GALNTL6: variants seen among roughly 807,000 people sequenced by gnomAD.
GALNTL6 encodes the protein polypeptide N-acetylgalactosaminyltransferase like 6, also known as polypeptide N-acetylgalactosaminyltransferase-like 6.
Under a neutral mutation model 73.7 loss-of-function variants are expected in GALNTL6, and 46 were observed. The ratio of observed to expected loss-of-function variants is 0.62; its 90% CI spans 0.49 to 0.80. The LOEUF is 0.80. Ranked by LOEUF, GALNTL6 falls within the 30% of genes least tolerant of loss-of-function variation. The pLI, the probability that GALNTL6 is intolerant of heterozygous loss-of-function variation, is 0.00. For missense variants in GALNTL6, 604 were observed against 755.0 expected, an observed-to-expected ratio of 0.80 and a Z score of 2.34; for synonymous variants, 259 against 263.7, an observed-to-expected ratio of 0.98 and a Z score of 0.17.
chr4:172,329,429 T>TA (rs1264534602), intron 4 of GALNTL6, among the ~76,000 whole-genome samples: 2 of 152,196 alleles, frequency 1.3e-5, no homozygotes, highest in Non-Finnish European at 1.5e-5. Context: ...CTCTAGTCCC[T>TA]AGTCACCTTA....
At chr4:172,825,620 T>C (rs7659795) in intron 7 of GALNTL6, among the ~76,000 whole-genome samples, 150,774 of 152,208 alleles carry the variant, frequency 0.99, 74,689 homozygotes, top group Middle Eastern at 1. Context: ...CAAGGCCTTC[T>C]AGAAGTGGTA....
chr4:172,737,587 C>T (rs1249479678), intron 5 of GALNTL6, among the ~76,000 whole-genome samples: 2 of 152,136 alleles, frequency 1.3e-5, no homozygotes, highest in African/African-American at 2.4e-5. Context: ...GATCAGAAAA[C>T]TCACAAATTG....
intron 5 of GALNTL6, among the ~76,000 whole-genome samples, chr4:172,543,520 T>C (rs934792280): frequency 6.6e-6 from 1 of 152,182 alleles, no homozygotes; most frequent in African/African-American, 2.4e-5. Flanking sequence ...CATTCCTGAG[T>C]TTTAAAGCTT....
intron 2 of GALNTL6, among the ~76,000 whole-genome samples, chr4:172,152,587 T>C (rs1484711075): frequency 6.6e-6 from 1 of 152,186 alleles, no homozygotes; most frequent in South Asian, 2.1e-4. Flanking sequence ...AAAAGATAGC[T>C]CAGAAGTTTC....
chr4:172,754,235 C>T (rs1737606042), intron 5 of GALNTL6, among the ~76,000 whole-genome samples: 1 of 152,060 alleles, frequency 6.6e-6, no homozygotes, highest in Non-Finnish European at 1.5e-5. Context: ...AAGTAGTATA[C>T]ACACATACAT....
chr4:172,788,792 G>A (rs1263599464), intron 5 of GALNTL6, among the ~76,000 whole-genome samples: 1 of 152,028 alleles, frequency 6.6e-6, no homozygotes, highest in Non-Finnish European at 1.5e-5. Flanking sequence ...GCCAACAAGA[G>A]GTGGTGTTCA....
chr4:172,817,386 A>C (rs1560972659), intron 7 of GALNTL6, among the ~76,000 whole-genome samples: 1 of 152,112 alleles, frequency 6.6e-6, no homozygotes, highest in Non-Finnish European at 1.5e-5. Flanking sequence ...AGCCATGATC[A>C]CACCACTGCA....
At chr4:172,871,555 A>C (rs1007772305) in intron 7 of GALNTL6, among the ~76,000 whole-genome samples, 1 of 149,924 alleles carries the variant, frequency 6.7e-6, no homozygotes, top group Non-Finnish European at 1.5e-5. Context: ...TTAGCCCAAC[A>C]GAGGGAGCAG....
intron 5 of GALNTL6, among the ~76,000 whole-genome samples, chr4:172,625,356 C>A (rs557597855): frequency 1.3e-5 from 2 of 152,134 alleles, no homozygotes; most frequent in South Asian, 2.1e-4. Context: ...CAGGTCGCTG[C>A]AGAGGACATG....
At chr4:172,065,564 A>G (rs892670067) in intron 2 of GALNTL6, among the ~76,000 whole-genome samples, 2 of 152,186 alleles carry the variant, frequency 1.3e-5, no homozygotes, top group Non-Finnish European at 2.9e-5. Context: ...CTTTGAAAAA[A>G]AAAGACTAAT....
intron 5 of GALNTL6, among the ~76,000 whole-genome samples, chr4:172,725,127 G>A (rs1428721631): frequency 6.6e-6 from 1 of 152,064 alleles, no homozygotes; most frequent in Non-Finnish European, 1.5e-5. Flanking sequence ...TAGCATTTTA[G>A]GGGTAATTCT....
chr4:172,858,906 G>A (rs541154645), intron 7 of GALNTL6, among the ~76,000 whole-genome samples: 10 of 151,788 alleles, frequency 6.6e-5, no homozygotes, highest in African/African-American at 2.4e-4. Context: ...TACCCACAAA[G>A]AAAATTAAAG....
At chr4:172,973,547 A>G (rs1438742176) in intron 10 of GALNTL6, among the ~76,000 whole-genome samples, 1 of 152,220 alleles carries the variant, frequency 6.6e-6, no homozygotes, top group Non-Finnish European at 1.5e-5. Context: ...CTGAAGTACA[A>G]TAAAATGAAA....
chr4:172,593,753 G>A (rs1348120279), intron 5 of GALNTL6, among the ~76,000 whole-genome samples: 3 of 151,742 alleles, frequency 2.0e-5, no homozygotes, highest in Non-Finnish European at 4.4e-5. Context: ...TTTTGAGACG[G>A]AGTTTCGCTC....
chr4:172,528,312 G>A (rs1043746191), intron 5 of GALNTL6, among the ~76,000 whole-genome samples: 1 of 121,198 alleles, frequency 8.3e-6, no homozygotes, highest in Non-Finnish European at 1.6e-5. Context: ...TGGCTTGCTA[G>A]AAATAAAATA....
chr4:171,985,897 G>A (rs758182893), intron 2 of GALNTL6, among the ~76,000 whole-genome samples: 9 of 151,730 alleles, frequency 5.9e-5, no homozygotes, highest in Non-Finnish European at 1.2e-4. Context: ...AATTAGCCGG[G>A]CGTGGTAGCA....
Position 172,609,551 on chromosome 4 carries a change from T to G in GALNTL6, c.554-199810T>G, listed in dbSNP as rs920797273. Among the ~76,000 whole-genome samples the G allele has an allele frequency of 4.6e-5, 7 of 151,898 alleles. No individual in the cohort carries two copies. The East Asian group carries it at 1.4e-3, about 29-fold the overall frequency. Reference sequence around the variant, plus strand: ...CTGCCAGATTCAGTTTGCCAGTGTTTTATTGAGGATTTTTGCCTGGATGTT... The same window carrying G: ...CTGCCAGATTCAGTTTGCCAGTGTTGTATTGAGGATTTTTGCCTGGATGTT... On this transcript the variant is annotated intron_variant, in intron 5 of 12. Transcript: ENST00000506823.
At chr4:172,736,386 A>G (rs1736464296) in intron 5 of GALNTL6, among the ~76,000 whole-genome samples, 1 of 152,246 alleles carries the variant, frequency 6.6e-6, no homozygotes. Flanking sequence ...GAGAAGAGAA[A>G]TATGACTCTA....
chr4:172,356,106 G>GAAGCAAAACTGTT (rs1742145441), intron 5 of GALNTL6, among the ~76,000 whole-genome samples: 1 of 152,106 alleles, frequency 6.6e-6, no homozygotes. Flanking sequence ...ACTGCTTTTA[G>GAAGCAAAACTGTT]AAGCAAAACT....
Sources: allele counts gnomAD v4.1 joint callset (sites outside exome capture counted in the v4.1 genomes callset), GRCh38; gene constraint gnomAD v4.1.1; transcripts MANE v1.5; gene names NCBI Gene and HGNC (gene_info 2026-07-23, HGNC 2026-07-21).